Variants in NOL9 observed in about 807,000 individuals in gnomAD.
The protein encoded by NOL9 is nucleolar protein 9.
In NOL9, 28 loss-of-function variants were observed where a neutral mutation model predicts 67.9. That is an observed-to-expected ratio of 0.41 (90% CI 0.31 to 0.57). NOL9 has a LOEUF of 0.57. Ranked by LOEUF, NOL9 falls within the 20% of genes least tolerant of loss-of-function variation. NOL9 has a pLI of 0.25. For synonymous variants in NOL9, 356 were observed against 352.2 expected (o/e 1.01, Z -0.12); for missense variants, 777 against 897.0 (o/e 0.87, Z 1.71).
chr1:6,544,075 G>A (rs1639360471), intron 5 of NOL9, among the ~76,000 whole-genome samples: 2 of 152,112 alleles, frequency 1.3e-5, no homozygotes, highest in South Asian at 4.1e-4. Flanking sequence ...GCAGTGAGCA[G>A]AGAACATGCC....
At chr1:6,533,037 G>A (rs564751368) in intron 7 of NOL9, among the ~76,000 whole-genome samples, 40 of 152,288 alleles carry the variant, frequency 2.6e-4, no homozygotes, top group Admixed American at 1.1e-3. Context: ...TAGCTGGGCA[G>A]AGTGGCACAC....
rs781292835 is a variant in NOL9 at position 6,533,369 on chromosome 1, T to C, written c.1148A>G (p.Tyr383Cys). ...YYGKPSCKNNYENYIDIVKYV... is the reference protein window; with the variant it reads ...YYGKPSCKNNCENYIDIVKYV... ...TTTCACTATGTCAATATAATTCTCA[T>C]AGTTGTTTTTACAAGAAGGTTTCCC... The change falls in exon 7 of 12, where the codon TAT becomes TGT. Residue 383 changes from tyrosine to cysteine, a missense_variant. By Grantham distance (194) the Tyr-to-Cys change is radical (BLOSUM62 -2). This residue lies in a region of NOL9 where 413 missense variants were observed against 552.6 expected (regional missense o/e 0.75). Transcript: ENST00000377705. The C allele has an allele frequency of 5.0e-6, 8 of 1,613,324 alleles. No homozygotes were observed. Among genetic ancestry groups the C allele is most frequent in the African/African-American group, 2.7e-5 (2 of 74,914 alleles).
At position 6,529,187 on chromosome 1, in the gene NOL9, G is replaced by C. The variant is rs750099055; in HGVS notation, c.1648-16C>G. 5.0e-6 allele frequency: 8 copies of C among 1,606,984 alleles called. No individual in the cohort carries two copies. In the East Asian group the frequency reaches 1.8e-4, roughly 36 times the overall value. On this transcript the variant is annotated splice_polypyrimidine_tract_variant and intron_variant, in intron 9 of 11. Transcript: ENST00000377705. ...TGAAAGGGACCTGGAAAATGAATTT[G>C]CATCTCACTCTATTCATGGCTACTT...
Position 6,526,823 on chromosome 1 carries a change from C to T in NOL9, c.1832G>A (p.Cys611Tyr), listed in dbSNP as rs1320436558. Residue 611 changes from cysteine (C) to tyrosine (Y), a missense_variant, in exon 11 of 12, where the codon TGT (cysteine) becomes TAT (tyrosine). Around this residue, in one of 2 missense-constraint regions of NOL9, gnomAD observed 413 missense variants for 552.6 expected, o/e 0.75. Transcript: ENST00000377705. Reference protein sequence around the residue: ...PICDCLGFGICRGIDMEKRLY... With the variant: ...PICDCLGFGIYRGIDMEKRLY... Reference sequence around the variant, plus strand: ...CCGCTTCTCCATGTCAATGCCTCTACAGATGCCTTCAAGACACGCGCACAA... The same window carrying T: ...CCGCTTCTCCATGTCAATGCCTCTATAGATGCCTTCAAGACACGCGCACAA... 6.2e-7 allele frequency: 1 copy of T among 1,604,880 alleles called. No homozygotes were observed. Among genetic ancestry groups the T allele is most frequent in the Non-Finnish European group, 8.5e-7 (1 of 1,176,080 alleles).
At chr1:6,526,096 G>T (rs1344018274) in intron 11 of NOL9, 93 bp from the exon 12 acceptor site, 4 of 1,147,572 alleles carry the variant, frequency 3.5e-6, no homozygotes, top group African/African-American at 1.5e-5. Flanking sequence ...GCAGTGTCAT[G>T]GTGATGGTCT....
chr1:6,529,838 C>T (rs1045722843), intron 9 of NOL9, among the ~76,000 whole-genome samples: 2 of 149,518 alleles, frequency 1.3e-5, no homozygotes, highest in Non-Finnish European at 3.0e-5. Context: ...AGGCACAAGA[C>T]TCACTTGAAC....
Position 6,541,931 on chromosome 1 carries a change from C to A in NOL9, c.978-4G>T. ...CAAATAGTCAACGCAGGGAAGACTG[C>A]AAATTTTTAAAAAAGAAAAAAGAAA... On this transcript the variant is annotated splice_polypyrimidine_tract_variant and splice_region_variant and intron_variant, in intron 5 of 11. Coordinates refer to ENST00000377705, the MANE Select transcript of NOL9 (RefSeq NM_024654.5). 1 of 1,564,420 alleles carries A rather than the reference C, an allele frequency of 6.4e-7. No individual in the cohort carries two copies. Among genetic ancestry groups the A allele is most frequent in the Non-Finnish European group, 8.6e-7 (1 of 1,156,134 alleles).
At position 6,532,734 on chromosome 1, in the gene NOL9, G is replaced by C. The variant is rs374414608; in HGVS notation, c.1264C>G (p.Leu422Val). Residue 422 changes from leucine (L) to valine (V), a missense_variant, in exon 8 of 12, where the codon CTG becomes GTG. This residue lies in a region of NOL9 where 413 missense variants were observed against 552.6 expected (regional missense o/e 0.75). Coordinates refer to ENST00000377705, the MANE Select transcript of NOL9 (RefSeq NM_024654.5). ...SDQGLLLLID[L>V]IRLLSPSHVV... Reference sequence around the variant, plus strand: ...TGGCTGGGAGACAGCAATCGGATCAGATCAATGAGAAGCAGGAGCCCCTGG... The same window carrying C: ...TGGCTGGGAGACAGCAATCGGATCACATCAATGAGAAGCAGGAGCCCCTGG... 15 of 1,612,934 alleles carry C rather than the reference G, an allele frequency of 9.3e-6. No homozygotes were observed. The highest frequency in any genetic ancestry group is 6.7e-5 in the African/African-American group (5 of 74,884).
chr1:6,541,952 A>G, intron 5 of NOL9, 25 bp from the exon 6 acceptor site: 1 of 1,482,890 alleles, frequency 6.7e-7, no homozygotes. Flanking sequence ...AAAAGAAAAA[A>G]GAAAGAAAAT....
Position 6,545,208 on chromosome 1 carries a change from T to G in NOL9, c.745-28A>C, listed in dbSNP as rs760199555. The G allele has an allele frequency of 1.6e-5, 26 of 1,594,346 alleles. No individual in the cohort carries two copies. The Middle Eastern group carries it at 5.0e-4, about 31-fold the overall frequency. On this transcript the variant is annotated intron_variant, in intron 3 of 11. Coordinates refer to ENST00000377705, the MANE Select transcript of NOL9 (RefSeq NM_024654.5). Reference sequence around the variant, plus strand: ...GAAATCAACAATTTAAACTTTAAGGTGAAAAAATGCATATTTTTTTCTTCA... The same window carrying G: ...GAAATCAACAATTTAAACTTTAAGGGGAAAAAATGCATATTTTTTTCTTCA...
In NOL9 at chr1:6,529,178, A is replaced by C; in HGVS notation, c.1648-7T>G. ...CGACTGCATTGAAAGGGACCTGGAA[A>C]ATGAATTTGCATCTCACTCTATTCA... is the stretch of plus-strand genomic sequence containing the variant. On this transcript the variant is annotated splice_polypyrimidine_tract_variant and splice_region_variant and intron_variant, in intron 9 of 11. Transcript: ENST00000377705. The C allele has an allele frequency of 6.2e-7, 1 of 1,609,378 alleles. No homozygotes were observed. The highest frequency in any genetic ancestry group is 1.1e-5 in the South Asian group (1 of 90,934).
At chr1:6,528,502 T>C (rs535659401) in intron 10 of NOL9, among the ~76,000 whole-genome samples, 1 of 152,262 alleles carries the variant, frequency 6.6e-6, no homozygotes, top group East Asian at 1.9e-4. Flanking sequence ...GGGTCTGACC[T>C]GGATGTCAGA....
chr1:6,538,676 CAG>C (rs1460519090), intron 6 of NOL9, among the ~76,000 whole-genome samples: 3 of 151,384 alleles, frequency 2.0e-5, no homozygotes, highest in Non-Finnish European at 2.9e-5. Context: ...GGAAAACAAA[CAG>C]ACAAAAAACA....
Position 6,533,444 on chromosome 1 carries a change from A to G in NOL9, c.1076-3T>C, listed in dbSNP as rs1570048694. The G allele has an allele frequency of 6.3e-7, 1 of 1,578,718 alleles. No individual in the cohort carries two copies. ...CCTCAGGTGAGTGAAAGGTGGTCCT[A>G]AAAAGATAAAGATGAGTAATCAGAT... On this transcript the variant is annotated splice_polypyrimidine_tract_variant and splice_region_variant and intron_variant, in intron 6 of 11. Transcript: ENST00000377705.
At chr1:6,539,497 T>G (rs12563717) in intron 6 of NOL9, among the ~76,000 whole-genome samples, 24,506 of 152,114 alleles carry the variant, frequency 0.16, 2,402 homozygotes, top group African/African-American at 0.28. Context: ...TATTATTATT[T>G]ATTGAGGCAG....
Position 6,532,809 on chromosome 1 carries a change from G to T in NOL9, c.1238-49C>A, listed in dbSNP as rs576468797. ...AGCTGATACACTCAAGAACAGTGAC[G>T]CGCTCAAGAACAGTGACATGCTCCT... is the stretch of plus-strand genomic sequence containing the variant. On this transcript the variant is annotated intron_variant, in intron 7 of 11. Coordinates refer to ENST00000377705, the MANE Select transcript of NOL9 (RefSeq NM_024654.5). 47 of 1,505,038 alleles carry T rather than the reference G, an allele frequency of 3.1e-5. No homozygotes were observed. The South Asian group carries it at 5.4e-4, about 17-fold the overall frequency. 93.2% of individuals were successfully genotyped at this position (1,505,038 alleles called of 1,614,324 possible). A position where few individuals can be genotyped will look rare whatever the true frequency, so the allele number is the denominator to read the frequency against.
rs1350659203 is a variant in NOL9 at position 6,554,364 on chromosome 1, G to C, written c.139C>G (p.Arg47Gly). The C allele has an allele frequency of 6.9e-7, 1 of 1,455,608 alleles. No homozygotes were observed. Among genetic ancestry groups the C allele is most frequent in the South Asian group, 1.4e-5 (1 of 71,110 alleles). The allele number at this position is 1,455,608 out of a possible 1,614,324, so 90.2% of individuals were successfully genotyped here. A position where few individuals can be genotyped will look rare whatever the true frequency, so the allele number is the denominator to read the frequency against. Reference sequence around the variant, plus strand: ...GCTTGCAGTAACCGCCACCGTAGGCGCCGCCGACCGCACCAGCGCAGGCTC... The same window carrying C: ...GCTTGCAGTAACCGCCACCGTAGGCCCCGCCGACCGCACCAGCGCAGGCTC... The part of the protein sequence containing the change: ...LGSLRWCGRR[R>G]LRWRLLQAQA... Residue 47 changes from arginine (R) to glycine (G), a missense_variant, in exon 1 of 12, where the codon CGC (arginine) becomes GGC (glycine). By Grantham distance (125) the Arg-to-Gly change is moderately radical. Around this residue, in one of 2 missense-constraint regions of NOL9, gnomAD observed 364 missense variants for 344.4 expected, o/e 1.06. Transcript: ENST00000377705.
In NOL9 at chr1:6,541,815, A is replaced by G; in HGVS notation, c.1075+15T>C. On this transcript the variant is annotated intron_variant, in intron 6 of 11. Coordinates refer to ENST00000377705, the MANE Select transcript of NOL9 (RefSeq NM_024654.5). ...TTCATAAAACCAAGACATTTGAGAA[A>G]TATGTAATACATACCCAGAACTGGT... is the stretch of plus-strand genomic sequence containing the variant. 1.4e-6 allele frequency: 2 copies of G among 1,465,536 alleles called. No individual in the cohort carries two copies. Among genetic ancestry groups the G allele is most frequent in the Non-Finnish European group, 1.9e-6 (2 of 1,075,168 alleles). The allele number at this position is 1,465,536 out of a possible 1,614,324, so 90.8% of individuals were successfully genotyped here.
intron 6 of NOL9, among the ~76,000 whole-genome samples, chr1:6,541,596 C>T (rs1639293662): frequency 6.6e-6 from 1 of 152,210 alleles, no homozygotes; most frequent in South Asian, 2.1e-4. Context: ...ATTTTTGCCA[C>T]CATACCCAAC....
Sources: gnomAD v4.1 joint callset for allele counts (sites outside exome capture counted in the v4.1 genomes callset) on GRCh38, gnomAD v4.1.1 for gene constraint, gnomAD v4.1.1 regional missense constraint, MANE v1.5 for transcripts, NCBI Gene and HGNC (gene_info 2026-07-23, HGNC 2026-07-21) for gene names.